Variants in JAZF1 observed in about 807,000 individuals in gnomAD.
The protein encoded by JAZF1 is juxtaposed with another zinc finger protein 1.
A neutral mutation model predicts 26.4 loss-of-function variants in JAZF1; 8 were observed. The observed-to-expected ratio is 0.30, with a 90% CI of 0.18 to 0.55. The LOEUF is 0.55. Among genes scored for constraint, JAZF1 ranks in the 20% least tolerant of loss-of-function variants. JAZF1 has a pLI of 0.94. For synonymous variants in JAZF1, 126 were observed against 122.3 expected, an observed-to-expected ratio of 1.03 and a Z score of -0.20; for missense variants, 199 against 322.0, an observed-to-expected ratio of 0.62 and a Z score of 2.92.
chr7:28,095,040 G>A (rs1784362247), intron 1 of JAZF1, among the ~76,000 whole-genome samples: 1 of 152,184 alleles, frequency 6.6e-6, no homozygotes, highest in Middle Eastern at 3.4e-3. Context: ...TACCCCAAGG[G>A]TGTGCCATCT....
At chr7:28,130,179 G>A (rs552160951) in intron 1 of JAZF1, among the ~76,000 whole-genome samples, 70 of 152,180 alleles carry the variant, frequency 4.6e-4, no homozygotes, top group African/African-American at 1.5e-3. Flanking sequence ...CACATTACTG[G>A]AGGCCTCTGG....
rs769466578 is a variant in JAZF1 at position 27,924,582 on chromosome 7, T to C, written c.189-29166A>G. On this transcript the variant is annotated intron_variant, in intron 2 of 4. Transcript: ENST00000283928. ...GTACCCATGAAGTATATTTTCATTT[T>C]TCTAAAGCTGCTTCTCATGGGAAAG... Among the ~76,000 whole-genome samples, 90 of 152,242 alleles carry C rather than the reference T, an allele frequency of 5.9e-4. 1 individual carries two copies. Among genetic ancestry groups the C allele is most frequent in the Non-Finnish European group, 1.2e-3 (79 of 68,044 alleles).
At chr7:28,174,241 G>A in intron 1 of JAZF1, among the ~76,000 whole-genome samples, 1 of 152,162 alleles carries the variant, frequency 6.6e-6, no homozygotes, top group East Asian at 1.9e-4. Flanking sequence ...ATAAGGGAAT[G>A]TGGGGTATGT....
At chr7:27,916,938 A>T (rs1186257138) in intron 2 of JAZF1, among the ~76,000 whole-genome samples, 1 of 152,222 alleles carries the variant, frequency 6.6e-6, no homozygotes, top group African/African-American at 2.4e-5. Context: ...CCTAATCCAC[A>T]GATAATAGCA....
At chr7:27,863,009 G>A (rs991673172) in intron 3 of JAZF1, among the ~76,000 whole-genome samples, 1 of 152,148 alleles carries the variant, frequency 6.6e-6, no homozygotes, top group Non-Finnish European at 1.5e-5. Flanking sequence ...GGTCCCATGT[G>A]AGGGCTGCTT....
intron 1 of JAZF1, among the ~76,000 whole-genome samples, chr7:28,123,168 C>T (rs1782632495): frequency 6.6e-6 from 1 of 152,118 alleles, no homozygotes; most frequent in Non-Finnish European, 1.5e-5. Context: ...TGCTTTCTGT[C>T]TCAGGGCCTG....
intron 2 of JAZF1, among the ~76,000 whole-genome samples, chr7:27,921,871 A>G (rs961927237): frequency 6.6e-6 from 1 of 152,202 alleles, no homozygotes; most frequent in Non-Finnish European, 1.5e-5. Flanking sequence ...ACAAAAATAG[A>G]AAAGTATTTT....
At chr7:28,116,613 T>G (rs1375593772) in intron 1 of JAZF1, among the ~76,000 whole-genome samples, 1 of 151,920 alleles carries the variant, frequency 6.6e-6, no homozygotes, top group East Asian at 1.9e-4. Context: ...CGGCTAATTT[T>G]TTGTATCTTT....
At chr7:28,099,685 A>G (rs570228285) in intron 1 of JAZF1, among the ~76,000 whole-genome samples, 1 of 152,298 alleles carries the variant, frequency 6.6e-6, no homozygotes, top group Non-Finnish European at 1.5e-5. Context: ...CATGTTGGTC[A>G]GGCTGGTCTC....
intron 1 of JAZF1, among the ~76,000 whole-genome samples, chr7:27,998,805 G>T (rs918218964): frequency 6.6e-6 from 1 of 152,208 alleles, no homozygotes; most frequent in East Asian, 1.9e-4. Flanking sequence ...ACCAAGAACT[G>T]TTTGGACAAT....
intron 2 of JAZF1, among the ~76,000 whole-genome samples, chr7:27,982,775 C>T (rs1274302219): frequency 2.6e-5 from 4 of 152,164 alleles, no homozygotes; most frequent in South Asian, 2.1e-4. Flanking sequence ...CAACATCTGT[C>T]GTCCTGCAAT....
chr7:28,087,582 C>T (rs867043658), intron 1 of JAZF1, among the ~76,000 whole-genome samples: 2 of 152,130 alleles, frequency 1.3e-5, no homozygotes, highest in Non-Finnish European at 2.9e-5. Flanking sequence ...CCAACCTCTC[C>T]ATTTTCTGAG....
chr7:27,910,060 T>C (rs868128693), intron 2 of JAZF1, among the ~76,000 whole-genome samples: 2 of 152,222 alleles, frequency 1.3e-5, no homozygotes, highest in Non-Finnish European at 2.9e-5. Flanking sequence ...ATATAGAGTC[T>C]ATACCATTGA....
chr7:28,085,301 T>C (rs999818379), intron 1 of JAZF1, among the ~76,000 whole-genome samples: 1 of 152,230 alleles, frequency 6.6e-6, no homozygotes, highest in African/African-American at 2.4e-5. Flanking sequence ...TCTTCTGATA[T>C]GTACCATACC....
intron 1 of JAZF1, among the ~76,000 whole-genome samples, chr7:28,111,224 A>T (rs1784657120): frequency 1.3e-5 from 2 of 152,208 alleles, no homozygotes; most frequent in South Asian, 4.1e-4. Flanking sequence ...TTAAATAAAT[A>T]CTTATTGCAA....
intron 1 of JAZF1, among the ~76,000 whole-genome samples, chr7:28,150,768 C>A (rs970236497): frequency 6.6e-6 from 1 of 152,218 alleles, no homozygotes; most frequent in Non-Finnish European, 1.5e-5. Flanking sequence ...CAGGCCACTT[C>A]GCCTCCAGGC....
At chr7:27,852,079 G>A (rs1158224971) in intron 3 of JAZF1, among the ~76,000 whole-genome samples, 1 of 151,746 alleles carries the variant, frequency 6.6e-6, no homozygotes, top group Non-Finnish European at 1.5e-5. Context: ...GTGTTTCCTT[G>A]CCTAGACTCC....
chr7:28,055,201 A>G (rs1373263779), intron 1 of JAZF1, among the ~76,000 whole-genome samples: 2 of 151,848 alleles, frequency 1.3e-5, no homozygotes, highest in Non-Finnish European at 1.5e-5. Context: ...TGATGTCTCC[A>G]ACTTCTAGTC....
intron 3 of JAZF1, among the ~76,000 whole-genome samples, chr7:27,855,104 A>T (rs1284665539): frequency 6.6e-6 from 1 of 151,930 alleles, no homozygotes; most frequent in Non-Finnish European, 1.5e-5. Flanking sequence ...GCTTTATTTC[A>T]TTAAGTTGAT....
Sources: gnomAD v4.1 joint callset for allele counts (sites outside exome capture counted in the v4.1 genomes callset) on GRCh38, gnomAD v4.1.1 for gene constraint, MANE v1.5 for transcripts, NCBI Gene and HGNC (gene_info 2026-07-23, HGNC 2026-07-21) for gene names.